The following SNTG1 variants were observed in gnomAD, a reference collection of about 807,000 sequenced individuals.
SNTG1 encodes gamma-1-syntrophin.
In SNTG1, 39 loss-of-function variants were observed where a neutral mutation model predicts 74.7. The observed-to-expected ratio is 0.52, with a 90% CI of 0.40 to 0.68. SNTG1 has a LOEUF of 0.68. Among genes scored for constraint, SNTG1 ranks in the 30% least tolerant of loss-of-function variants. SNTG1 has a pLI of 0.00. For synonymous variants in SNTG1, 254 were observed against 217.1 expected (o/e 1.17, Z -1.49); for missense variants, 685 against 609.5 (o/e 1.12, Z -1.30).
chr8:50,297,981 T>TG lies in SNTG1; in HGVS notation c.-27-96226dup, dbSNP rs1178578560. Among the ~76,000 whole-genome samples, 3 of 149,470 alleles carry TG rather than the reference T, an allele frequency of 2.0e-5. No individual in the cohort carries two copies. The East Asian group carries it at 5.9e-4, about 30-fold the overall frequency. On this transcript the variant is annotated intron_variant, in intron 2 of 18. Transcript: ENST00000642720. ...GTTTTTGTTGTCAAAAACAGGGTAA[T>TG]GGGGGAAGGAAGAAGACAGAAACAC...
intron 1 of SNTG1, among the ~76,000 whole-genome samples, chr8:50,102,722 G>T (rs1308543446): frequency 3.3e-5 from 5 of 151,306 alleles, no homozygotes; most frequent in African/African-American, 1.2e-4. Context: ...AATCCATCTT[G>T]AATTAATTTT....
At chr8:50,744,137 T>C (rs1391235371) in intron 17 of SNTG1, among the ~76,000 whole-genome samples, 1 of 151,930 alleles carries the variant, frequency 6.6e-6, no homozygotes, top group Non-Finnish European at 1.5e-5. Context: ...TTCCAAACAC[T>C]GGGGATTAGA....
chr8:50,157,622 C>T (rs1278408481), intron 1 of SNTG1, among the ~76,000 whole-genome samples: 11 of 151,968 alleles, frequency 7.2e-5, no homozygotes, highest in Non-Finnish European at 1.5e-4. Flanking sequence ...GGAATTTCCC[C>T]GAGCTTGCAG....
chr8:49,925,092 G>A (rs1018096040), intron 1 of SNTG1, among the ~76,000 whole-genome samples: 39 of 152,084 alleles, frequency 2.6e-4, no homozygotes, highest in Admixed American at 2.5e-3. Context: ...GTTCAAGGCT[G>A]CAGTGAGCCA....
chr8:50,569,868 C>G (rs976267107), intron 12 of SNTG1, among the ~76,000 whole-genome samples: 1 of 151,970 alleles, frequency 6.6e-6, no homozygotes, highest in Non-Finnish European at 1.5e-5. Flanking sequence ...AGGTGCCAAC[C>G]AAAAATGGGT....
intron 1 of SNTG1, among the ~76,000 whole-genome samples, chr8:50,022,710 A>T (rs1215717029): frequency 1.3e-5 from 2 of 152,178 alleles, no homozygotes; most frequent in African/African-American, 4.8e-5. Flanking sequence ...TTCAGGAGGC[A>T]CTGAGCTGCC....
intron 1 of SNTG1, among the ~76,000 whole-genome samples, chr8:50,040,581 A>G (rs1308586818): frequency 1.3e-5 from 2 of 152,194 alleles, no homozygotes; most frequent in Non-Finnish European, 1.5e-5. Flanking sequence ...CAAGTAAGAT[A>G]TTCTGTAGGA....
At chr8:50,420,217 T>C (rs1486514632) in intron 4 of SNTG1, among the ~76,000 whole-genome samples, 1 of 152,106 alleles carries the variant, frequency 6.6e-6, no homozygotes, top group Non-Finnish European at 1.5e-5. Flanking sequence ...AACAAATTCA[T>C]GTCAATCACT....
intron 1 of SNTG1, among the ~76,000 whole-genome samples, chr8:50,170,191 G>A (rs1192629490): frequency 2.0e-5 from 3 of 152,088 alleles, no homozygotes; most frequent in Non-Finnish European, 4.4e-5. Flanking sequence ...TGTTCTTTAA[G>A]TAATGTTCCT....
intron 1 of SNTG1, among the ~76,000 whole-genome samples, chr8:50,094,885 T>G (rs759354423): frequency 2.0e-5 from 3 of 152,152 alleles, no homozygotes; most frequent in Non-Finnish European, 2.9e-5. Flanking sequence ...CTATTCATGA[T>G]AGCAAAGACA....
intron 1 of SNTG1, among the ~76,000 whole-genome samples, chr8:50,140,140 C>G (rs1404869848): frequency 6.6e-6 from 1 of 152,196 alleles, no homozygotes; most frequent in Admixed American, 6.5e-5. Flanking sequence ...CCAATAAGCA[C>G]TGATGAGGCA....
chr8:50,170,808 C>T (rs912841597), intron 1 of SNTG1, among the ~76,000 whole-genome samples: 1 of 152,146 alleles, frequency 6.6e-6, no homozygotes, highest in African/African-American at 2.4e-5. Flanking sequence ...GAGGTCCCCA[C>T]ATTCTTGCCG....
At chr8:50,045,087 G>A (rs925644620) in intron 1 of SNTG1, among the ~76,000 whole-genome samples, 1 of 152,198 alleles carries the variant, frequency 6.6e-6, no homozygotes, top group African/African-American at 2.4e-5. Flanking sequence ...TTAGGAGACA[G>A]TAGGGTGCAG....
At chr8:50,566,042 A>T (rs1268828411) in intron 12 of SNTG1, among the ~76,000 whole-genome samples, 2 of 150,390 alleles carry the variant, frequency 1.3e-5, no homozygotes, top group Non-Finnish European at 1.5e-5. Context: ...CATAAGACTC[A>T]ATTTATTTTT....
intron 8 of SNTG1, among the ~76,000 whole-genome samples, chr8:50,501,722 T>G (rs1422309969): frequency 6.6e-6 from 1 of 151,938 alleles, no homozygotes; most frequent in Non-Finnish European, 1.5e-5. Flanking sequence ...TCTCCCAAAG[T>G]GCTGGGATTG....
chr8:50,604,794 C>CT (rs113551657), intron 13 of SNTG1, among the ~76,000 whole-genome samples: 7,733 of 152,156 alleles, frequency 0.051, 362 homozygotes, highest in African/African-American at 0.12. Flanking sequence ...ATTTTTTCCT[C>CT]GCTTTTCTCA....
At chr8:50,383,616 G>A (rs1396132485) in intron 2 of SNTG1, among the ~76,000 whole-genome samples, 1 of 152,080 alleles carries the variant, frequency 6.6e-6, no homozygotes, top group Non-Finnish European at 1.5e-5. Context: ...TGTGTCCTCA[G>A]CAAACACCTC....
chr8:50,243,748 A>T (rs117684499), intron 2 of SNTG1, among the ~76,000 whole-genome samples: 4,021 of 152,230 alleles, frequency 0.026, 69 homozygotes, highest in Non-Finnish European at 0.041. Context: ...ATGTTAGATT[A>T]GAGTTTAAAA....
At chr8:50,766,961 A>G (rs1392415776) in intron 18 of SNTG1, among the ~76,000 whole-genome samples, 1 of 151,970 alleles carries the variant, frequency 6.6e-6, no homozygotes, top group South Asian at 2.1e-4. Context: ...AAGAGATTTT[A>G]TTTCATCAAA....
Sources: gnomAD v4.1 joint callset for allele counts (sites outside exome capture counted in the v4.1 genomes callset) on GRCh38, gnomAD v4.1.1 for gene constraint, MANE v1.5 for transcripts, NCBI Gene and HGNC (gene_info 2026-07-23, HGNC 2026-07-21) for gene names.